The following TMEM94 variants were observed in gnomAD, a reference collection of about 807,000 sequenced individuals.
TMEM94 encodes ER Mg2+ ATPase.
In TMEM94, 81 loss-of-function variants were observed where a neutral mutation model predicts 158.6. The observed-to-expected ratio is 0.51, with a 90% CI of 0.43 to 0.61. The LOEUF (loss-of-function observed/expected upper bound fraction) is 0.61, where lower values mean the gene tolerates loss of function less well. Ranked by LOEUF, TMEM94 falls within the 20% of genes least tolerant of loss-of-function variation. The probability of loss-of-function intolerance (pLI) is 0.00; values close to 1 mark genes in which losing one functional copy is unlikely to be tolerated. For synonymous variants in TMEM94, 751 were observed against 730.7 expected, an observed-to-expected ratio of 1.03 and a Z score of -0.45; for missense variants, 1,435 against 1,762.0, an observed-to-expected ratio of 0.81 and a Z score of 3.32.
rs1212096441 is a variant in TMEM94 at position 75,489,745 on chromosome 17, CCT to C, written c.954+88_954+89del. 1 of 1,193,350 alleles carries C rather than the reference CCT, an allele frequency of 8.4e-7. No homozygotes were observed. The highest frequency in any genetic ancestry group is 1.2e-6 in the Non-Finnish European group (1 of 808,254). The allele number at this position is 1,193,350 out of a possible 1,614,324, so 73.9% of individuals were successfully genotyped here. A position where few individuals can be genotyped will look rare whatever the true frequency, so the allele number is the denominator to read the frequency against. On this transcript the variant is annotated intron_variant, in intron 9 of 31. Transcript: ENST00000314256. This position sits in a 1 kb window ranked among gnomAD's most constrained non-coding sequence, Gnocchi z 5.0. ...TCTCCTAGTACCCTGGCTGTCCCTC[CCT>C]CTCTGCAGCCCAGAGGTCCCCTCAC...
intron 2 of TMEM94, chr17:75,476,648 G>C: frequency 6.5e-7 from 1 of 1,534,540 alleles, no homozygotes; most frequent in South Asian, 1.2e-5. Flanking sequence ...GGAGGTGTTG[G>C]AAGTTCTTGC....
At chr17:75,494,865 C>T (rs746697840) in intron 19 of TMEM94, 31 bp from the exon 20 acceptor site, 1 of 1,613,162 alleles carries the variant, frequency 6.2e-7, no homozygotes, top group South Asian at 1.1e-5. Flanking sequence ...GCTTTTGGGC[C>T]CGTATGTTCA....
chr17:75,489,820 C>T lies in TMEM94; in HGVS notation c.954+158C>T. ...TTCCAGCTGGGCGTGGGGACTCAGG[C>T]CTGTAATCCAAGCACTTTGGGAGGC... On this transcript the variant is annotated intron_variant, in intron 9 of 31. Coordinates refer to ENST00000314256, the MANE Select transcript of TMEM94 (RefSeq NM_014738.6). This position sits in a 1 kb window ranked among gnomAD's most constrained non-coding sequence, Gnocchi z 5.0. The T allele has an allele frequency of 1.5e-6, 1 of 679,144 alleles. No homozygotes were observed. Among genetic ancestry groups the T allele is most frequent in the Non-Finnish European group, 2.5e-6 (1 of 392,534 alleles). The allele number at this position is 679,144 out of a possible 1,614,324, so 42.1% of individuals were successfully genotyped here.
Position 75,492,374 on chromosome 17 carries a change from A to C in TMEM94, c.1597-100A>C. On this transcript the variant is annotated intron_variant, in intron 14 of 31. Coordinates refer to ENST00000314256, the MANE Select transcript of TMEM94 (RefSeq NM_014738.6). The surrounding 1 kb of genome is among the most constrained non-coding windows in gnomAD (Gnocchi z 4.4). ...CTCTCTCCTGGGAAGGGTGCCTTTC[A>C]GGGGCAGGAGCCCTCCCCAGCCTTG... 1 of 1,465,856 alleles carries C rather than the reference A, an allele frequency of 6.8e-7. No individual in the cohort carries two copies. The highest frequency in any genetic ancestry group is 9.0e-7 in the Non-Finnish European group (1 of 1,108,444). The allele number at this position is 1,465,856 out of a possible 1,614,324, so 90.8% of individuals were successfully genotyped here. A position where few individuals can be genotyped will look rare whatever the true frequency, so the allele number is the denominator to read the frequency against.
In TMEM94 at chr17:75,498,354, G is replaced by T. The variant is rs761663445; in HGVS notation, c.3638+31G>T. On this transcript the variant is annotated intron_variant, in intron 28 of 31. Transcript: ENST00000314256. The surrounding 1 kb of genome is among the most constrained non-coding windows in gnomAD (Gnocchi z 6.7). ...TCCCAGCCCCAGAGATCCACCCATCGCCTGCCTCGCCTCGAGGCTTCCTCC... is the reference window on the plus strand; with the variant it reads ...TCCCAGCCCCAGAGATCCACCCATCTCCTGCCTCGCCTCGAGGCTTCCTCC... 2 of 1,612,256 alleles carry T rather than the reference G, an allele frequency of 1.2e-6. No homozygotes were observed. Among genetic ancestry groups the T allele is most frequent in the South Asian group, 1.1e-5 (1 of 91,080 alleles).
intron 1 of TMEM94, among the ~76,000 whole-genome samples, chr17:75,470,263 G>A (rs114562713): frequency 0.045 from 6,864 of 151,880 alleles, 154 homozygotes; most frequent in Middle Eastern, 0.11. Flanking sequence ...CTTGAGGCCA[G>A]GAGGTCAAGA....
intron 11 of TMEM94, 47 bp downstream of exon 11, chr17:75,490,805 A>T: frequency 6.4e-7 from 1 of 1,560,394 alleles, no homozygotes; most frequent in Non-Finnish European, 8.8e-7. Flanking sequence ...CCCTAGAGCC[A>T]TAACCCTGGG....
chr17:75,465,678 TA>T (rs67219732), intron 1 of TMEM94, among the ~76,000 whole-genome samples: 39 of 82,856 alleles, frequency 4.7e-4, no homozygotes, highest in South Asian at 5.1e-4. Flanking sequence ...TATATATATA[TA>T]TTTTTTTTTA....
Position 75,491,605 on chromosome 17 carries a change from C to T in TMEM94, c.1387-86C>T. The T allele has an allele frequency of 4.5e-6, 7 of 1,554,166 alleles. No individual in the cohort carries two copies. In the South Asian group the frequency reaches 8.1e-5, roughly 18 times the overall value. ...TGCTTCTGGGCAGGTGAGGTGAAGA[C>T]AAGGCAGCCAGGGGACCTAGAAGCA... is the stretch of plus-strand genomic sequence containing the variant. On this transcript the variant is annotated intron_variant, in intron 13 of 31. Transcript: ENST00000314256. This position sits in a 1 kb window ranked among gnomAD's most constrained non-coding sequence, Gnocchi z 5.1.
At chr17:75,499,162 C>G in intron 31 of TMEM94, 80 bp downstream of exon 31, 1 of 1,587,846 alleles carries the variant, frequency 6.3e-7, no homozygotes, top group African/African-American at 1.3e-5. Context: ...CACTCCCCCA[C>G]CTTTCCGCTG....
At chr17:75,483,425 C>T (rs950923928) in intron 2 of TMEM94, among the ~76,000 whole-genome samples, 11 of 150,340 alleles carry the variant, frequency 7.3e-5, no homozygotes, top group African/African-American at 2.7e-4. Context: ...GTGACTCTGG[C>T]AGTAGAGCCA....
In TMEM94 at chr17:75,460,888, G is replaced by A. The variant is rs551404989; in HGVS notation, c.-107+4137G>A. Among the ~76,000 whole-genome samples, 45 of 152,080 alleles carry A rather than the reference G, an allele frequency of 3.0e-4. No homozygotes were observed. The South Asian group carries it at 8.7e-3, about 29-fold the overall frequency. On this transcript the variant is annotated intron_variant, in intron 1 of 31. Transcript: ENST00000314256. ...CTGTGGCATTAAGTACATTTGCATTGTTGTGCAACCCTCATCACTATCCAT... is the reference window on the plus strand; with the variant it reads ...CTGTGGCATTAAGTACATTTGCATTATTGTGCAACCCTCATCACTATCCAT...
chr17:75,485,716 C>A lies in TMEM94; in HGVS notation c.145-155C>A. 7.6e-7 allele frequency: 1 copy of A among 1,318,722 alleles called. No individual in the cohort carries two copies. The highest frequency in any genetic ancestry group is 1.0e-6 in the Non-Finnish European group (1 of 965,606). 81.7% of individuals were successfully genotyped at this position (1,318,722 alleles called of 1,614,324 possible). ...GGTTCCCCTCAGAGTGGCTCCTGAG[C>A]CTGCTTGCTGCAGGAGCCCAACAGG... On this transcript the variant is annotated intron_variant, in intron 3 of 31. Transcript: ENST00000314256. The surrounding 1 kb of genome is among the most constrained non-coding windows in gnomAD (Gnocchi z 5.5).
In TMEM94 at chr17:75,491,271, C is replaced by A. The variant is rs746422630; in HGVS notation, c.1234-32C>A. 2 of 1,596,814 alleles carry A rather than the reference C, an allele frequency of 1.3e-6. No homozygotes were observed. The highest frequency in any genetic ancestry group is 2.2e-5 in the East Asian group (1 of 44,882). ...CTGGGCAGGATAGGCTAATGCCAGG[C>A]CCCTTTCCTATCTCAAATGCTTTCC... is the stretch of plus-strand genomic sequence containing the variant. On this transcript the variant is annotated intron_variant, in intron 12 of 31. Transcript: ENST00000314256. The surrounding 1 kb of genome is among the most constrained non-coding windows in gnomAD (Gnocchi z 5.1).
intron 2 of TMEM94, among the ~76,000 whole-genome samples, chr17:75,478,132 C>T (rs1280397919): frequency 2.3e-5 from 3 of 132,004 alleles, no homozygotes; most frequent in African/African-American, 8.4e-5. Flanking sequence ...TCTCCTGCCT[C>T]AGCCTCCCAA....
intron 2 of TMEM94, among the ~76,000 whole-genome samples, chr17:75,480,987 GTC>G (rs1448257226): frequency 6.6e-6 from 1 of 152,216 alleles, no homozygotes; most frequent in African/African-American, 2.4e-5. Context: ...GAGGCCTGGG[GTC>G]TCTGTGTGCA....
rs2052693086 is a variant in TMEM94 at position 75,496,466 on chromosome 17, G to A, written c.3238G>A (p.Glu1080Lys). 3.7e-6 allele frequency: 6 copies of A among 1,611,454 alleles called. No homozygotes were observed. The highest frequency in any genetic ancestry group is 5.1e-6 in the Non-Finnish European group (6 of 1,178,612). ...EETISIIRLI[E>K]QARHATYGIR... ...GACCATCAGCATCATCCGGCTTATC[G>A]AACAGGTGGGTGCTTCGGCAGGCAA... Residue 1080 changes from glutamate (E) to lysine (K), a missense_variant, in exon 24 of 32, where the codon GAA becomes AAA. By Grantham distance (56) the Glu-to-Lys change is moderately conservative (BLOSUM62 1). Transcript: ENST00000314256.
chr17:75,463,095 T>C (rs1378751395), intron 1 of TMEM94, among the ~76,000 whole-genome samples: 737 of 10,624 alleles, frequency 0.069, 174 homozygotes, highest in African/African-American at 0.45. Context: ...CACACACACA[T>C]ATATATGTGT....
At chr17:75,497,906 G>A (rs748774477) in intron 27 of TMEM94, 44 bp downstream of exon 27, 15 of 1,552,740 alleles carry the variant, frequency 9.7e-6, no homozygotes, top group East Asian at 4.5e-5. Flanking sequence ...GAGCATGGAA[G>A]GGACTGAGGA....
Sources: gnomAD v4.1 joint callset for allele counts (sites outside exome capture counted in the v4.1 genomes callset) on GRCh38, gnomAD v4.1.1 for gene constraint, Gnocchi (gnomAD v3.1) non-coding constraint, MANE v1.5 for transcripts, NCBI Gene and HGNC (gene_info 2026-07-23, HGNC 2026-07-21) for gene names.